Variants in COCH observed in about 807,000 individuals in gnomAD.
The protein encoded by COCH is cochlin.
A neutral mutation model predicts 54.8 loss-of-function variants in COCH; 40 were observed. The observed-to-expected ratio is 0.73, with a 90% CI of 0.57 to 0.95. COCH has a LOEUF of 0.95. COCH is among the 40% of genes least tolerant of loss of function. The pLI is 0.00. For synonymous variants in COCH, 256 were observed against 237.9 expected (o/e 1.08, Z -0.70); for missense variants, 605 against 675.0 (o/e 0.90, Z 1.15).
chr14:30,895,069 AAAAAAAAAAAG>A (rs1319735335), downstream of COCH: 22 of 217,282 alleles, frequency 1.0e-4, no homozygotes, highest in African/African-American at 2.6e-4. Flanking sequence ...AAAAAAAAAA[AAAAAAAAAAAG>A]AAGAAGAAGA....
Position 30,874,979 on chromosome 14 carries a change from G to A in COCH, c.34+7G>A. On this transcript the variant is annotated splice_region_variant and intron_variant, in intron 2 of 11. Transcript: ENST00000396618. ...ATCCCGGCTCTCGGCCTCGGTGGGT[G>A]CGCGCCCCTCACGACCCCGGCCCCT... is the stretch of plus-strand genomic sequence containing the variant. 1 of 1,613,230 alleles carries A rather than the reference G, an allele frequency of 6.2e-7. No homozygotes were observed. The highest frequency in any genetic ancestry group is 8.5e-7 in the Non-Finnish European group (1 of 1,179,858).
rs1895464634 is a variant in COCH at position 30,878,796 on chromosome 14, A to G, written c.240-15A>G. 6.2e-7 allele frequency: 1 copy of G among 1,614,160 alleles called. No individual in the cohort carries two copies. Among genetic ancestry groups the G allele is most frequent in the East Asian group, 2.2e-5 (1 of 44,886 alleles). On this transcript the variant is annotated splice_polypyrimidine_tract_variant and intron_variant, in intron 4 of 11. Coordinates refer to ENST00000396618, the MANE Select transcript of COCH (RefSeq NM_004086.3). The stretch of plus-strand genomic sequence containing the variant: ...AAGTGTGGATAGCATCTCAGCTGCT[A>G]TTCTTGTGTTACAGGGGAGTAATCA...
At chr14:30,891,803 G>A (rs907558351), downstream of COCH, among the ~76,000 whole-genome samples, 5 of 152,140 alleles carry the variant, frequency 3.3e-5, no homozygotes, top group African/African-American at 4.8e-5. Context: ...GGGAATAGCA[G>A]CAAGACAGCA....
chr14:30,885,265 T>C (rs1002112460), intron 9 of COCH, 129 bp from the exon 10 acceptor site: 1 of 971,990 alleles, frequency 1.0e-6, no homozygotes, highest in African/African-American at 1.6e-5. Flanking sequence ...AATTCTTTTT[T>C]GTGTGCCCCG....
At chr14:30,893,856 C>A (rs1896058255), downstream of COCH, 1 of 152,516 alleles carries the variant, frequency 6.6e-6, no homozygotes, top group Non-Finnish European at 1.5e-5. Flanking sequence ...TATTATTCAA[C>A]ACAAAATGAT....
At position 30,878,937 on chromosome 14, in the gene COCH, A is replaced by C. The variant is rs1895472439; in HGVS notation, c.366A>C (p.Thr122=). The change falls in exon 5 of 12, where the codon ACA becomes ACC. Residue 122 remains threonine (T), a synonymous_variant. Transcript: ENST00000396618. The part of the protein sequence containing the change: ...QMLSRWSASF[T]VTKGKSSTQE... ...TTTCTAGATGGTCTGCTTCTTTCAC[A>C]GTAACTAGTAGGTATAATTATTGTT... The C allele has an allele frequency of 1.2e-6, 2 of 1,614,052 alleles. No individual in the cohort carries two copies. The highest frequency in any genetic ancestry group is 8.5e-7 in the Non-Finnish European group (1 of 1,180,010).
intron 11 of COCH, among the ~76,000 whole-genome samples, chr14:30,887,408 A>C (rs571611309): frequency 4.6e-5 from 7 of 151,850 alleles, no homozygotes; most frequent in South Asian, 2.1e-4. Context: ...AGAAAAAAAA[A>C]AAAAAAAAAA....
chr14:30,879,539 T>C, intron 6 of COCH, 54 bp downstream of exon 6: 2 of 1,557,318 alleles, frequency 1.3e-6, no homozygotes, highest in South Asian at 1.1e-5. Flanking sequence ...TTGGAAGTTA[T>C]GAATAAACGT....
At chr14:30,887,788 G>A (rs1338424677) in intron 11 of COCH, among the ~76,000 whole-genome samples, 2 of 152,054 alleles carry the variant, frequency 1.3e-5, no homozygotes, top group African/African-American at 4.8e-5. Flanking sequence ...TTAAAACAGA[G>A]AACACATGCA....
At position 30,877,642 on chromosome 14, in the gene COCH, A is replaced by C. The variant is rs573330522; in HGVS notation, c.153A>C (p.Pro51=). Residue 51 remains proline, a synonymous_variant, in exon 4 of 12, where the codon CCA becomes CCC. Transcript: ENST00000396618. This position sits in a 1 kb window ranked among gnomAD's most constrained non-coding sequence, Gnocchi z 8.6. ...AAGAGAAAGCAGATGTCCTCTGCCC[A>C]GGGGGCTGCCCTCTTGAGGAATTCT... The part of the protein sequence containing the change: ...IRKEKADVLC[P]GGCPLEEFSV... 177 of 1,614,210 alleles carry C rather than the reference A, an allele frequency of 1.1e-4. No homozygotes were observed. The African/African-American group carries it at 2.1e-3, about 19-fold the overall frequency.
intron 6 of COCH, among the ~76,000 whole-genome samples, chr14:30,879,830 T>A (rs1397945341): frequency 6.6e-6 from 1 of 150,992 alleles, no homozygotes; most frequent in Non-Finnish European, 1.5e-5. Context: ...TTTTTAATTT[T>A]TTTTATTTTT....
Position 30,889,806 on chromosome 14 carries a change from C to A in COCH, c.*15C>A, listed in dbSNP as rs1161595814. The A allele has an allele frequency of 1.2e-6, 2 of 1,606,040 alleles. No homozygotes were observed. The highest frequency in any genetic ancestry group is 1.7e-6 in the Non-Finnish European group (2 of 1,174,488). ...CCCAGCAATAATGGTAACATTTTGACAACTGAAAGAAAAAGTACAAGGGGA... is the reference window on the plus strand; with the variant it reads ...CCCAGCAATAATGGTAACATTTTGAAAACTGAAAGAAAAAGTACAAGGGGA... On this transcript the variant is annotated 3_prime_UTR_variant, in exon 12 of 12. Coordinates refer to ENST00000396618, the MANE Select transcript of COCH (RefSeq NM_004086.3).
intron 3 of COCH, chr14:30,875,921 G>A (rs1895343443): frequency 6.6e-6 from 1 of 152,190 alleles, no homozygotes; most frequent in Non-Finnish European, 1.5e-5. Context: ...TGATAGGTAT[G>A]AGGCTGTTTA....
At chr14:30,882,121 T>TTTTGTTTTTTC (rs1895623141) in intron 8 of COCH, among the ~76,000 whole-genome samples, 1 of 51,456 alleles carries the variant, frequency 1.9e-5, no homozygotes, top group East Asian at 7.6e-4. Flanking sequence ...TATAAAATGG[T>TTTTGTTTTTTC]TTTTTTTTTT....
intron 8 of COCH, 145 bp downstream of exon 8, chr14:30,880,879 T>C: frequency 1.4e-6 from 1 of 703,106 alleles, no homozygotes. Flanking sequence ...AGCATATCCA[T>C]CACCTCAAAC....
chr14:30,876,960 G>A (rs1048723324), intron 3 of COCH, among the ~76,000 whole-genome samples: 45 of 151,862 alleles, frequency 3.0e-4, no homozygotes, highest in African/African-American at 1.0e-3. Context: ...CACCACGTGT[G>A]GCCATTTAAA....
At chr14:30,885,243 T>C (rs1895742759) in intron 9 of COCH, 151 bp from the exon 10 acceptor site, 6 of 931,412 alleles carry the variant, frequency 6.4e-6, no homozygotes, top group Middle Eastern at 2.3e-4. Context: ...GTTACAGAAC[T>C]GGGTTCTATA....
intron 8 of COCH, among the ~76,000 whole-genome samples, chr14:30,884,037 C>A (rs1181768775): frequency 3.3e-5 from 5 of 152,200 alleles, no homozygotes; most frequent in African/African-American, 7.2e-5. Context: ...CTGGAACAGA[C>A]CCTAGTCTCA....
rs564012553 is a variant in COCH at position 30,874,846 on chromosome 14, G to A, written c.-23-70G>A. ...CCGCGCCCGGGGATCCGAAGGGTGCGGGGCTCTGAGGAGGTGACGCGCGGG... is the reference window on the plus strand; with the variant it reads ...CCGCGCCCGGGGATCCGAAGGGTGCAGGGCTCTGAGGAGGTGACGCGCGGG... On this transcript the variant is annotated intron_variant, in intron 1 of 11. Coordinates refer to ENST00000396618, the MANE Select transcript of COCH (RefSeq NM_004086.3). 234 of 1,434,374 alleles carry A rather than the reference G, an allele frequency of 1.6e-4. No homozygotes were observed. In the African/African-American group the frequency reaches 3.1e-3, roughly 19 times the overall value. 88.9% of individuals were successfully genotyped at this position (1,434,374 alleles called of 1,614,324 possible).
Sources: gnomAD v4.1 joint callset for allele counts (sites outside exome capture counted in the v4.1 genomes callset) on GRCh38, gnomAD v4.1.1 for gene constraint, Gnocchi (gnomAD v3.1) non-coding constraint, MANE v1.5 for transcripts, NCBI Gene and HGNC (gene_info 2026-07-23, HGNC 2026-07-21) for gene names.